TRDN: variants seen among roughly 807,000 people sequenced by gnomAD.
TRDN encodes the protein triadin.
Under a neutral mutation model 149.7 loss-of-function variants are expected in TRDN, and 161 were observed. That is an observed-to-expected ratio of 1.08 (90% CI 0.95 to 1.23). The LOEUF is 1.23. Among genes scored for constraint, TRDN ranks in the 50% most tolerant of loss-of-function variants. The probability of loss-of-function intolerance (pLI) is 0.00; values close to 1 mark genes in which losing one functional copy is unlikely to be tolerated. For synonymous variants in TRDN, 294 were observed against 250.5 expected (o/e 1.17, Z -1.64); for missense variants, 896 against 823.5 (o/e 1.09, Z -1.08).
intron 38 of TRDN, among the ~76,000 whole-genome samples, chr6:123,232,624 A>G (rs1409925438): frequency 2.6e-5 from 4 of 151,978 alleles, no homozygotes; most frequent in African/African-American, 7.2e-5. Flanking sequence ...GGAGAAAGCA[A>G]GAGAGGATGG....
chr6:123,277,257 G>T (rs6918935), intron 26 of TRDN, among the ~76,000 whole-genome samples: 149,274 of 152,240 alleles, frequency 0.98, 73,192 homozygotes, highest in East Asian at 1. Flanking sequence ...TTGATTGATA[G>T]TTAGATGAAA....
intron 21 of TRDN, chr6:123,349,666 C>G (rs564854325): frequency 2.1e-6 from 2 of 961,492 alleles, no homozygotes; most frequent in African/African-American, 3.5e-5. Context: ...TTTGGTACAC[C>G]AAGAAATATG....
chr6:123,352,256 T>C (rs757236115), intron 21 of TRDN: 33 of 985,018 alleles, frequency 3.4e-5, no homozygotes, highest in Non-Finnish European at 3.9e-5. Flanking sequence ...CCCTGGATCA[T>C]TGTCTTATTC....
chr6:123,512,270 T>C, intron 7 of TRDN, 33 bp downstream of exon 7: 1 of 1,248,806 alleles, frequency 8.0e-7, no homozygotes, highest in South Asian at 1.4e-5. Context: ...GTAAAAAGAA[T>C]TTAGTTATGG....
chr6:123,299,962 T>G (rs1982034), intron 24 of TRDN, among the ~76,000 whole-genome samples: 133,039 of 152,000 alleles, frequency 0.88, 58,638 homozygotes, highest in East Asian at 0.99. Context: ...TCTGTCAGAG[T>G]AACTTACAAA....
chr6:123,439,017 T>G lies in TRDN; in HGVS notation c.932-14A>C, dbSNP rs1451644840. 1.3e-6 allele frequency: 2 copies of G among 1,535,564 alleles called. No individual in the cohort carries two copies. Among genetic ancestry groups the G allele is most frequent in the Middle Eastern group, 1.7e-4 (1 of 5,906 alleles). ...CCCCTTCTTTTTCTAGAGAATACAT[T>G]TAAAATATTTCCTTTAGGGAAATTT... On this transcript the variant is annotated splice_polypyrimidine_tract_variant and intron_variant, in intron 10 of 40. Transcript: ENST00000334268.
At chr6:123,596,736 T>C (rs1292543045) in intron 1 of TRDN, among the ~76,000 whole-genome samples, 7 of 152,058 alleles carry the variant, frequency 4.6e-5, no homozygotes, top group Non-Finnish European at 7.4e-5. Context: ...CAACAGTTTT[T>C]TAATCTATCA....
rs1362539919 is a variant in TRDN at position 123,430,051 on chromosome 6, C to A, written c.1051+8012G>T. Among the ~76,000 whole-genome samples, 3 of 152,102 alleles carry A rather than the reference C, an allele frequency of 2.0e-5. No homozygotes were observed. The East Asian group carries it at 5.8e-4, about 29-fold the overall frequency. ...TTGGGAGATGCAGGCAGGAAGATCACTTTAGTCCAGCAGTTTGAGACTAGC... is the reference window on the plus strand; with the variant it reads ...TTGGGAGATGCAGGCAGGAAGATCAATTTAGTCCAGCAGTTTGAGACTAGC... On this transcript the variant is annotated intron_variant, in intron 12 of 40. Coordinates refer to ENST00000334268, the MANE Select transcript of TRDN (RefSeq NM_006073.4).
At chr6:123,570,828 A>T in intron 2 of TRDN, 95 bp downstream of exon 2, 1 of 1,139,684 alleles carries the variant, frequency 8.8e-7, no homozygotes, top group Non-Finnish European at 1.3e-6. Flanking sequence ...TCCTCACACT[A>T]AGATGAAACA....
chr6:123,427,784 T>G (rs181781677), intron 12 of TRDN, among the ~76,000 whole-genome samples: 19 of 152,260 alleles, frequency 1.2e-4, no homozygotes, highest in Non-Finnish European at 1.9e-4. Flanking sequence ...TAAAATATCT[T>G]TATTAAAATT....
chr6:123,421,805 C>CAAAAAAAAAAA (rs56022131), intron 12 of TRDN, among the ~76,000 whole-genome samples: 23 of 92,486 alleles, frequency 2.5e-4, no homozygotes, highest in South Asian at 3.9e-4. Flanking sequence ...CCTTTCTCTA[C>CAAAAAAAAAAA]AAAAAAAAAA....
chr6:123,294,768 T>G lies in TRDN; in HGVS notation c.1511-15686A>C, dbSNP rs571088971. Among the ~76,000 whole-genome samples the G allele has an allele frequency of 1.1e-4, 16 of 152,172 alleles. No individual in the cohort carries two copies. In the East Asian group the frequency reaches 3.1e-3, roughly 29 times the overall value. On this transcript the variant is annotated intron_variant, in intron 24 of 40. Transcript: ENST00000334268. ...GGAATCCCTGTTTTGGGGACCCCTG[T>G]TTTAGATTACCACGATTTTACCAAG...
intron 1 of TRDN, among the ~76,000 whole-genome samples, chr6:123,586,169 G>C (rs1471256222): frequency 6.6e-6 from 1 of 152,202 alleles, no homozygotes; most frequent in African/African-American, 2.4e-5. Context: ...CATTAACCTT[G>C]ACTATGCCTT....
At chr6:123,261,193 G>A (rs1776760167) in intron 33 of TRDN, among the ~76,000 whole-genome samples, 1 of 151,508 alleles carries the variant, frequency 6.6e-6, no homozygotes, top group Non-Finnish European at 1.5e-5. Flanking sequence ...TTCAAAATTG[G>A]TTTTCTTAGT....
intron 1 of TRDN, among the ~76,000 whole-genome samples, chr6:123,617,117 G>A (rs1785131271): frequency 6.6e-6 from 1 of 151,974 alleles, no homozygotes; most frequent in Non-Finnish European, 1.5e-5. Context: ...TTTAACCACA[G>A]CAGTGTCAGC....
At chr6:123,410,811 A>T (rs1773402440) in intron 12 of TRDN, among the ~76,000 whole-genome samples, 1 of 152,062 alleles carries the variant, frequency 6.6e-6, no homozygotes, top group Non-Finnish European at 1.5e-5. Context: ...CAAAGGTTGT[A>T]GCCTTTATTT....
intron 20 of TRDN, among the ~76,000 whole-genome samples, chr6:123,357,598 T>A (rs527544939): frequency 9.8e-5 from 15 of 152,288 alleles, no homozygotes; most frequent in African/African-American, 3.6e-4. Flanking sequence ...CTATGAATGT[T>A]CTGTCTCAAA....
intron 1 of TRDN, among the ~76,000 whole-genome samples, chr6:123,623,474 G>C (rs992824991): frequency 6.6e-6 from 1 of 152,016 alleles, no homozygotes; most frequent in African/African-American, 2.4e-5. Flanking sequence ...CAAAATTATG[G>C]TGAGAGGTGC....
At chr6:123,301,582 A>G (rs1486829428) in intron 24 of TRDN, among the ~76,000 whole-genome samples, 1 of 151,442 alleles carries the variant, frequency 6.6e-6, no homozygotes, top group African/African-American at 2.4e-5. Flanking sequence ...TGATTGCTCC[A>G]CCAATATTAG....
Sources: gnomAD v4.1 joint callset for allele counts (sites outside exome capture counted in the v4.1 genomes callset) on GRCh38, gnomAD v4.1.1 for gene constraint, MANE v1.5 for transcripts, NCBI Gene and HGNC (gene_info 2026-07-23, HGNC 2026-07-21) for gene names.